Variants in SNTG1 observed in about 807,000 individuals in gnomAD.
The protein encoded by SNTG1 is gamma-1-syntrophin.
In SNTG1, 39 loss-of-function variants were observed where a neutral mutation model predicts 74.7. The ratio of observed to expected loss-of-function variants is 0.52; its 90% CI spans 0.40 to 0.68. The LOEUF is 0.68. Among genes scored for constraint, SNTG1 ranks in the 30% least tolerant of loss-of-function variants. The pLI is 0.00. For missense variants in SNTG1, 685 were observed against 609.5 expected (o/e 1.12, Z -1.30); for synonymous variants, 254 against 217.1 (o/e 1.17, Z -1.49).
chr8:50,469,333 G>C (rs1166678572), intron 8 of SNTG1, among the ~76,000 whole-genome samples: 1 of 151,188 alleles, frequency 6.6e-6, no homozygotes, highest in African/African-American at 2.4e-5. Context: ...TGGGTTCTAA[G>C]GAGACCCAGT....
intron 1 of SNTG1, among the ~76,000 whole-genome samples, chr8:50,071,970 T>A (rs926823986): frequency 9.2e-5 from 14 of 152,222 alleles, no homozygotes; most frequent in African/African-American, 3.4e-4. Flanking sequence ...TACTATTTTC[T>A]TGCTATTATA....
intron 2 of SNTG1, among the ~76,000 whole-genome samples, chr8:50,334,355 A>G (rs565853762): frequency 2.6e-5 from 4 of 152,326 alleles, no homozygotes; most frequent in Non-Finnish European, 4.4e-5. Context: ...TTAAGCCAGT[A>G]ACTTTGTGGT....
At chr8:50,474,400 T>C (rs931485970) in intron 8 of SNTG1, among the ~76,000 whole-genome samples, 1 of 149,238 alleles carries the variant, frequency 6.7e-6, no homozygotes, top group Non-Finnish European at 1.5e-5. Context: ...AACAACCCCA[T>C]CAAAAAGTGG....
intron 12 of SNTG1, among the ~76,000 whole-genome samples, chr8:50,570,549 C>T (rs1434290904): frequency 2.7e-5 from 4 of 146,472 alleles, no homozygotes; most frequent in South Asian, 2.1e-4. Context: ...TGAGCCACCA[C>T]GTCCAGCCTT....
chr8:50,083,112 G>C (rs1031568938), intron 1 of SNTG1, among the ~76,000 whole-genome samples: 4 of 152,182 alleles, frequency 2.6e-5, no homozygotes, highest in African/African-American at 9.7e-5. Context: ...CCTGGGACTA[G>C]TGTGGATGAA....
At chr8:50,779,915 G>C (rs867887438) in intron 18 of SNTG1, among the ~76,000 whole-genome samples, 1 of 149,162 alleles carries the variant, frequency 6.7e-6, no homozygotes, top group Non-Finnish European at 1.5e-5. Flanking sequence ...AGCATGAAGG[G>C]TTGTTGAATT....
chr8:50,093,694 T>C (rs1269044024), intron 1 of SNTG1, among the ~76,000 whole-genome samples: 2 of 152,046 alleles, frequency 1.3e-5, no homozygotes, highest in African/African-American at 4.8e-5. Flanking sequence ...AATTTAGTTA[T>C]AAAGTATAGG....
chr8:50,753,920 C>A (rs1294060296), intron 18 of SNTG1, among the ~76,000 whole-genome samples: 2 of 151,662 alleles, frequency 1.3e-5, no homozygotes, highest in Non-Finnish European at 2.9e-5. Context: ...CTGAAAATAC[C>A]CAATAAAATA....
rs533943883 is a variant in SNTG1, at chr8:49,953,802, TTTGTGCAGATTCCG to T, written c.-103+41574_-103+41587del. Among the ~76,000 whole-genome samples, 67 of 152,250 alleles carry T rather than the reference TTTGTGCAGATTCCG, an allele frequency of 4.4e-4. No homozygotes were observed. The East Asian group carries it at 7.8e-3, about 18-fold the overall frequency. On this transcript the variant is annotated intron_variant, in intron 1 of 18. Transcript: ENST00000642720. ...ATCCTGTCAGAAAAATAAAACCAGT[TTTGTGCAGATTCCG>T]TTTGCTTATTGGAAAATCCTGTCTG...
intron 1 of SNTG1, among the ~76,000 whole-genome samples, chr8:50,127,798 A>G (rs188233882): frequency 3.9e-5 from 6 of 152,262 alleles, no homozygotes; most frequent in African/African-American, 1.2e-4. Flanking sequence ...CAGTAAAATA[A>G]ATGTTATCTT....
chr8:50,254,137 A>G lies in SNTG1; in HGVS notation c.-28+81502A>G, dbSNP rs549384339. Among the ~76,000 whole-genome samples the G allele has an allele frequency of 1.1e-4, 16 of 152,304 alleles. 1 individual carries two copies. The highest frequency in any genetic ancestry group is 3.8e-4 in the African/African-American group (16 of 41,588). ...TCATCATTATACAATGTATATATGT[A>G]TTAAAATATTACATTGTATGCCATA... On this transcript the variant is annotated intron_variant, in intron 2 of 18. Transcript: ENST00000642720.
intron 8 of SNTG1, among the ~76,000 whole-genome samples, chr8:50,467,573 T>G (rs2093618986): frequency 6.6e-6 from 1 of 151,924 alleles, no homozygotes; most frequent in Non-Finnish European, 1.5e-5. Context: ...TTCTTTATCT[T>G]TTCAAAAAAC....
chr8:50,114,497 T>G (rs2080734640), intron 1 of SNTG1, among the ~76,000 whole-genome samples: 2 of 152,152 alleles, frequency 1.3e-5, no homozygotes. Context: ...AAGCAGCATG[T>G]CAGAAGGTAG....
Position 50,553,142 on chromosome 8 carries a change from C to A in SNTG1, c.773C>A (p.Ala258Glu), listed in dbSNP as rs201460045. ...GAAGACTGCGTTGACTGGCTACAAG[C>A]AATAGCAACTAACATTTCAAATCTC... ...SAEDCVDWLQ[A>E]IATNISNLTK... Residue 258 changes from alanine to glutamate, a missense_variant, in exon 12 of 19, where the codon GCA (alanine) becomes GAA (glutamate). By Grantham distance (107) the Ala-to-Glu change is moderately radical. Transcript: ENST00000642720. The A allele has an allele frequency of 3.2e-5, 52 of 1,613,862 alleles. No homozygotes were observed. Among genetic ancestry groups the A allele is most frequent in the Non-Finnish European group, 4.2e-5 (49 of 1,179,864 alleles).
intron 13 of SNTG1, among the ~76,000 whole-genome samples, chr8:50,626,363 T>G (rs1472304859): frequency 6.6e-6 from 1 of 152,156 alleles, no homozygotes; most frequent in African/African-American, 2.4e-5. Flanking sequence ...GTTATTGGAC[T>G]GTCCCAAGAC....
intron 2 of SNTG1, among the ~76,000 whole-genome samples, chr8:50,276,981 C>CG (rs2088150616): frequency 6.6e-6 from 1 of 152,032 alleles, no homozygotes; most frequent in African/African-American, 2.4e-5. Flanking sequence ...AGGCACCCAC[C>CG]ACCACGCCTG....
intron 15 of SNTG1, among the ~76,000 whole-genome samples, chr8:50,674,256 G>T (rs1272973726): frequency 3.3e-5 from 5 of 152,162 alleles, no homozygotes; most frequent in African/African-American, 1.2e-4. Context: ...AATGGTACCA[G>T]CTCCTTTTTG....
chr8:50,500,931 A>C (rs901591036), intron 8 of SNTG1, among the ~76,000 whole-genome samples: 1 of 152,090 alleles, frequency 6.6e-6, no homozygotes, highest in East Asian at 1.9e-4. Flanking sequence ...GGTACTCTCC[A>C]CTAGGATGGT....
chr8:50,417,930 T>A (rs1272979313), intron 4 of SNTG1, among the ~76,000 whole-genome samples: 1 of 151,970 alleles, frequency 6.6e-6, no homozygotes, highest in Non-Finnish European at 1.5e-5. Context: ...TTCCAGCAAT[T>A]TCCCACTGCA....
Sources: gnomAD v4.1 joint callset for allele counts (sites outside exome capture counted in the v4.1 genomes callset) on GRCh38, gnomAD v4.1.1 for gene constraint, MANE v1.5 for transcripts, NCBI Gene and HGNC (gene_info 2026-07-23, HGNC 2026-07-21) for gene names.